Variants in CHST9 observed in about 807,000 individuals in gnomAD.
CHST9 encodes the protein GalNAc-4-sulfotransferase 2.
A neutral mutation model predicts 44.4 loss-of-function variants in CHST9; 41 were observed. The ratio of observed to expected loss-of-function variants is 0.92; its 90% CI spans 0.72 to 1.20. The LOEUF (loss-of-function observed/expected upper bound fraction) is 1.20. Ranked by LOEUF, CHST9 falls within the 50% of genes most tolerant of loss-of-function variation. CHST9 has a pLI of 0.00. For synonymous variants in CHST9, 171 were observed against 178.4 expected (o/e 0.96, Z 0.33); for missense variants, 504 against 516.5 (o/e 0.98, Z 0.23).
chr18:26,935,416 T>A lies in CHST9; in HGVS notation c.240+8913A>T, dbSNP rs372028084. ...CCAAAATTGGAAGCATGTGTTCAAT[T>A]TTGGTTTTTCATTTTCAAAGCTTTA... On this transcript the variant is annotated intron_variant, in intron 5 of 5. Transcript: ENST00000618847. The A allele has an allele frequency of 3.9e-5, 6 of 152,176 alleles. No homozygotes were observed. The East Asian group carries it at 1.2e-3, about 29-fold the overall frequency. 9.4% of individuals were successfully genotyped at this position (152,176 alleles called of 1,614,324 possible).
At chr18:27,055,223 G>T (rs1172896768) in intron 2 of CHST9, among the ~76,000 whole-genome samples, 4 of 152,084 alleles carry the variant, frequency 2.6e-5, no homozygotes, top group African/African-American at 9.7e-5. Context: ...CTGTGCACAT[G>T]CTACTTATTA....
intron 2 of CHST9, among the ~76,000 whole-genome samples, chr18:27,142,014 C>T (rs1346146245): frequency 6.6e-6 from 1 of 152,142 alleles, no homozygotes; most frequent in African/African-American, 2.4e-5. Context: ...GACAAAAGTA[C>T]AAGATGAGCA....
intron 1 of CHST9, among the ~76,000 whole-genome samples, chr18:27,146,271 T>A (rs1181692506): frequency 6.6e-6 from 1 of 152,112 alleles, no homozygotes; most frequent in East Asian, 1.9e-4. Flanking sequence ...AACCCATAAT[T>A]GTTATTATGG....
At chr18:27,005,558 C>G (rs2057006438) in intron 4 of CHST9, among the ~76,000 whole-genome samples, 1 of 152,142 alleles carries the variant, frequency 6.6e-6, no homozygotes, top group Non-Finnish European at 1.5e-5. Flanking sequence ...CCATATTTAG[C>G]AAATTGTCTA....
chr18:27,027,849 A>G (rs1183725612), intron 3 of CHST9, among the ~76,000 whole-genome samples: 1 of 152,184 alleles, frequency 6.6e-6, no homozygotes, highest in East Asian at 1.9e-4. Flanking sequence ...GTTTTTCCCC[A>G]ATATTTTACC....
intron 2 of CHST9, among the ~76,000 whole-genome samples, chr18:27,083,723 G>T (rs1275751913): frequency 6.6e-6 from 1 of 152,000 alleles, no homozygotes; most frequent in Non-Finnish European, 1.5e-5. Context: ...TAGAACTCTT[G>T]GAACATCTGC....
chr18:26,961,826 T>C (rs1411599144), intron 4 of CHST9, among the ~76,000 whole-genome samples: 1 of 152,248 alleles, frequency 6.6e-6, no homozygotes, highest in Non-Finnish European at 1.5e-5. Context: ...GGTGAGGCTT[T>C]GAATATGCTT....
chr18:27,039,875 G>A (rs997370198), intron 3 of CHST9, among the ~76,000 whole-genome samples: 4 of 152,038 alleles, frequency 2.6e-5, no homozygotes, highest in Non-Finnish European at 5.9e-5. Flanking sequence ...GATTAGGTAA[G>A]AAAAATGGCC....
intron 5 of CHST9, among the ~76,000 whole-genome samples, chr18:26,918,099 G>A (rs933743037): frequency 2.7e-4 from 41 of 152,086 alleles, no homozygotes; most frequent in African/African-American, 9.4e-4. Flanking sequence ...TAGGATGAAT[G>A]AGTCCATTTA....
chr18:26,995,472 T>C (rs535087025), intron 4 of CHST9, among the ~76,000 whole-genome samples: 35 of 150,820 alleles, frequency 2.3e-4, no homozygotes, highest in African/African-American at 8.5e-4. Flanking sequence ...ACTGCAGCCT[T>C]GAGGAAAACC....
rs950256472 is a variant in CHST9 at position 26,983,466 on chromosome 18, TC to T, written c.203-39101del. Among the ~76,000 whole-genome samples the T allele has an allele frequency of 2.0e-4, 30 of 152,216 alleles. 1 individual carries two copies. The highest frequency in any genetic ancestry group is 2.0e-3 in the Admixed American group (30 of 15,300). ...CAACTCACTCTCTTGTTCCTGCTTC[TC>T]CCATGTGACATGCCTGCTCCCTCTT... On this transcript the variant is annotated intron_variant, in intron 4 of 5. Coordinates refer to ENST00000618847, the MANE Select transcript of CHST9 (RefSeq NM_031422.6).
chr18:26,935,964 A>T (rs955165519), intron 5 of CHST9: 12 of 152,222 alleles, frequency 7.9e-5, no homozygotes, highest in African/African-American at 2.7e-4. Flanking sequence ...ATGCCTAGTG[A>T]CTTTCTATCT....
chr18:27,140,054 C>T (rs1054367615), intron 2 of CHST9, among the ~76,000 whole-genome samples: 1 of 152,168 alleles, frequency 6.6e-6, no homozygotes, highest in Non-Finnish European at 1.5e-5. Flanking sequence ...AAACCTGTAG[C>T]TTTATAGCTA....
At chr18:27,049,971 C>T (rs2057546252) in intron 2 of CHST9, among the ~76,000 whole-genome samples, 1 of 152,098 alleles carries the variant, frequency 6.6e-6, no homozygotes, top group South Asian at 2.1e-4. Flanking sequence ...CTGGGGACCT[C>T]AACAAAGTGC....
intron 1 of CHST9, among the ~76,000 whole-genome samples, chr18:27,163,729 A>C (rs1404652894): frequency 2.0e-5 from 3 of 152,136 alleles, no homozygotes; most frequent in African/African-American, 7.2e-5. Context: ...TTCTTTGACT[A>C]GGAAAGGGAA....
At chr18:26,985,891 C>T (rs1305369035) in intron 4 of CHST9, among the ~76,000 whole-genome samples, 2 of 152,138 alleles carry the variant, frequency 1.3e-5, no homozygotes, top group African/African-American at 4.8e-5. Context: ...GGTCCTGCCT[C>T]AGTGTTAATT....
intron 2 of CHST9, among the ~76,000 whole-genome samples, chr18:27,085,608 A>G (rs2058004948): frequency 6.6e-6 from 1 of 152,086 alleles, no homozygotes; most frequent in Non-Finnish European, 1.5e-5. Context: ...TTACCAAAAA[A>G]TCTAAAAACA....
At chr18:26,992,489 T>C (rs945753994) in intron 4 of CHST9, among the ~76,000 whole-genome samples, 16 of 152,214 alleles carry the variant, frequency 1.1e-4, no homozygotes, top group African/African-American at 3.9e-4. Context: ...TTTACTTAGT[T>C]GGTTGGTTGA....
At chr18:27,052,026 C>T (rs546036446) in intron 2 of CHST9, among the ~76,000 whole-genome samples, 1 of 152,146 alleles carries the variant, frequency 6.6e-6, no homozygotes, top group Admixed American at 6.6e-5. Flanking sequence ...TCTCATGTTT[C>T]AGAAGGGAGG....
Sources: gnomAD v4.1 joint callset for allele counts (sites outside exome capture counted in the v4.1 genomes callset) on GRCh38, gnomAD v4.1.1 for gene constraint, MANE v1.5 for transcripts, NCBI Gene and HGNC (gene_info 2026-07-23, HGNC 2026-07-21) for gene names.